DENND3: variants seen among roughly 807,000 people sequenced by gnomAD.
The protein encoded by DENND3 is DENN domain containing 3.
A neutral mutation model predicts 135.1 loss-of-function variants in DENND3; 88 were observed. That is an observed-to-expected ratio of 0.65 (90% CI 0.55 to 0.78). The LOEUF (loss-of-function observed/expected upper bound fraction) is 0.78. Among genes scored for constraint, DENND3 ranks in the 30% least tolerant of loss-of-function variants. DENND3 has a pLI of 0.00. For synonymous variants in DENND3, 693 were observed against 712.3 expected (o/e 0.97, Z 0.43); for missense variants, 1,392 against 1,688.4 (o/e 0.82, Z 3.08).
At chr8:141,192,297 T>C (rs1824855231) in intron 20 of DENND3, 34 bp from the exon 21 acceptor site, 4 of 1,610,310 alleles carry the variant, frequency 2.5e-6, no homozygotes, top group Admixed American at 3.3e-5. Context: ...CCAATGACAC[T>C]GCCTGGCCCC....
At chr8:141,160,828 C>A (rs765003284) in intron 9 of DENND3, 41 bp downstream of exon 9, 1 of 1,582,968 alleles carries the variant, frequency 6.3e-7, no homozygotes, top group South Asian at 1.1e-5. Context: ...AGGAGGTAAC[C>A]AGCCAGCCAT....
At position 141,144,395 on chromosome 8, in the gene DENND3, C is replaced by T. The variant is rs993669733; in HGVS notation, c.735+136C>T. On this transcript the variant is annotated intron_variant, in intron 5 of 22. Transcript: ENST00000519811. The surrounding 1 kb of genome is among the most constrained non-coding windows in gnomAD (Gnocchi z 4.4). ...CTAAAATAACATCCTAACCCCCCCG[C>T]CTCCCCACAGCTGACTGACTGGACC... The T allele has an allele frequency of 1.1e-6, 1 of 875,844 alleles. No individual in the cohort carries two copies. Among genetic ancestry groups the T allele is most frequent in the African/African-American group, 1.8e-5 (1 of 56,378 alleles). The allele number at this position is 875,844 out of a possible 1,614,324, so 54.3% of individuals were successfully genotyped here. A position where few individuals can be genotyped will look rare whatever the true frequency, so the allele number is the denominator to read the frequency against.
Position 141,182,484 on chromosome 8 carries a change from C to A in DENND3, c.2944+1630C>A. The A allele has an allele frequency of 3.0e-6, 3 of 985,396 alleles. No individual in the cohort carries two copies. The highest frequency in any genetic ancestry group is 3.6e-6 in the Non-Finnish European group (3 of 829,918). The allele number at this position is 985,396 out of a possible 1,614,324, so 61.0% of individuals were successfully genotyped here. ...ATACTTTGACCGTGGCATTTGAATA[C>A]ATGGTATTTTTAGGTCCCGGTTGGT... On this transcript the variant is annotated intron_variant, in intron 17 of 22. Coordinates refer to ENST00000519811, the MANE Select transcript of DENND3 (RefSeq NM_001352890.3). This position sits in a 1 kb window ranked among gnomAD's most constrained non-coding sequence, Gnocchi z 5.9.
Position 141,175,756 on chromosome 8 carries a change from A to G in DENND3, c.2535+297A>G, listed in dbSNP as rs1046200844. The G allele has an allele frequency of 1.1e-5, 5 of 447,176 alleles. No individual in the cohort carries two copies. The highest frequency in any genetic ancestry group is 4.6e-5 in the East Asian group (1 of 21,548). The allele number at this position is 447,176 out of a possible 1,614,324, so 27.7% of individuals were successfully genotyped here. A position where few individuals can be genotyped will look rare whatever the true frequency, so the allele number is the denominator to read the frequency against. ...GCAGGAAGTAAGAATGTGGGCTGAC[A>G]TTCTCATTAGGGACAGTAGGACGCC... is the stretch of plus-strand genomic sequence containing the variant. On this transcript the variant is annotated intron_variant, in intron 14 of 22. Transcript: ENST00000519811. The surrounding 1 kb of genome is among the most constrained non-coding windows in gnomAD (Gnocchi z 5.4).
At chr8:141,181,167 TTTC>T (rs1380349363) in intron 17 of DENND3, among the ~76,000 whole-genome samples, 1 of 152,196 alleles carries the variant, frequency 6.6e-6, no homozygotes, top group African/African-American at 2.4e-5. Context: ...ACGCTAGCTC[TTTC>T]TTTTTTTGAG....
chr8:141,165,730 C>T (rs1040641461), intron 11 of DENND3, among the ~76,000 whole-genome samples: 4 of 152,186 alleles, frequency 2.6e-5, no homozygotes, highest in African/African-American at 7.2e-5. Flanking sequence ...TCCCAAAGTG[C>T]TGGGATTACA....
intron 22 of DENND3, 102 bp from the exon 23 acceptor site, chr8:141,193,931 G>T: frequency 7.6e-7 from 1 of 1,311,022 alleles, no homozygotes. Context: ...GAAGGACATA[G>T]ATTTGGAGGC....
intron 1 of DENND3, chr8:141,129,583 T>G (rs7814272): frequency 0.49 from 73,885 of 152,052 alleles, 18,485 homozygotes; most frequent in African/African-American, 0.6. Context: ...TCCATCTGTG[T>G]CTCTGGTTTC....
intron 1 of DENND3, among the ~76,000 whole-genome samples, chr8:141,133,783 G>A (rs1363253754): frequency 6.6e-6 from 1 of 152,122 alleles, no homozygotes; most frequent in Non-Finnish European, 1.5e-5. Context: ...TGTTGCAGAG[G>A]AGAACACAGG....
Position 141,166,416 on chromosome 8 carries a change from T to G in DENND3, c.1753+27T>G, listed in dbSNP as rs767012566. The G allele has an allele frequency of 1.9e-6, 3 of 1,595,716 alleles. No homozygotes were observed. In the South Asian group the frequency reaches 3.3e-5, roughly 18 times the overall value. On this transcript the variant is annotated intron_variant, in intron 12 of 22. Coordinates refer to ENST00000519811, the MANE Select transcript of DENND3 (RefSeq NM_001352890.3). This position sits in a 1 kb window ranked among gnomAD's most constrained non-coding sequence, Gnocchi z 4.3. ...TGAGGGCTGCCCCCCACTGTGGTGC[T>G]GTGTGTCGGTCCCACCATTCCTGCA...
intron 13 of DENND3, among the ~76,000 whole-genome samples, chr8:141,172,172 C>T (rs1821690432): frequency 1.4e-5 from 2 of 144,944 alleles, no homozygotes; most frequent in Admixed American, 6.8e-5. Flanking sequence ...TGGGCGTGCA[C>T]AGTGTGGGTG....
chr8:141,190,813 C>A (rs750970712), intron 20 of DENND3, among the ~76,000 whole-genome samples: 1 of 152,236 alleles, frequency 6.6e-6, no homozygotes, highest in Non-Finnish European at 1.5e-5. Context: ...CTGGCGAGCC[C>A]GTGCTCTGTT....
intron 19 of DENND3, 121 bp downstream of exon 19, chr8:141,189,267 G>C: frequency 1.2e-5 from 16 of 1,358,568 alleles, no homozygotes; most frequent in Non-Finnish European, 1.6e-5. Flanking sequence ...AGAGTGAAGT[G>C]GATCTAGAAC....
At position 141,157,164 on chromosome 8, in the gene DENND3, G is replaced by A. The variant is rs1819544723; in HGVS notation, c.1196+1194G>A. Among the ~76,000 whole-genome samples, 4 of 152,112 alleles carry A rather than the reference G, an allele frequency of 2.6e-5. No homozygotes were observed. In the South Asian group the frequency reaches 6.2e-4, roughly 24 times the overall value. ...TCAACCTCATTGGCTTAGATCAGGC[G>A]TCAGCAAACTTTTTCCAACAAGTGT... On this transcript the variant is annotated intron_variant, in intron 8 of 22. Transcript: ENST00000519811.
intron 17 of DENND3, among the ~76,000 whole-genome samples, chr8:141,184,091 C>T (rs551409520): frequency 8.5e-5 from 13 of 152,328 alleles, no homozygotes; most frequent in African/African-American, 2.9e-4. Context: ...TGGCCGGACA[C>T]GGCGCCTACA....
At chr8:141,133,758 G>A (rs1025289478) in intron 1 of DENND3, among the ~76,000 whole-genome samples, 5 of 152,182 alleles carry the variant, frequency 3.3e-5, no homozygotes, top group African/African-American at 9.7e-5. Flanking sequence ...CTGAAGACCC[G>A]AACTGCACTG....
In DENND3 at chr8:141,168,476, C is replaced by A; in HGVS notation, c.2226C>A (p.Ile742=). The A allele has an allele frequency of 6.2e-7, 1 of 1,613,356 alleles. No homozygotes were observed. The highest frequency in any genetic ancestry group is 1.1e-5 in the South Asian group (1 of 91,072). ...TGAAGCGGGTCCAGGAGTCAGGGAT[C>A]GTGAAGGACGCCAGCATCATACACC... ...DFMKRVQESG[I]VKDASIIHRL... The change falls in exon 13 of 23, where the codon ATC becomes ATA. Residue 742 remains isoleucine (I), a synonymous_variant. Coordinates refer to ENST00000519811, the MANE Select transcript of DENND3 (RefSeq NM_001352890.3). This position sits in a 1 kb window ranked among gnomAD's most constrained non-coding sequence, Gnocchi z 6.2.
intron 5 of DENND3, among the ~76,000 whole-genome samples, chr8:141,147,120 C>T (rs1056233312): frequency 1.3e-5 from 2 of 152,210 alleles, no homozygotes; most frequent in African/African-American, 2.4e-5. Context: ...TCTTCCCTCA[C>T]CCATTCCGTC....
intron 5 of DENND3, chr8:141,150,199 C>G (rs191854440): frequency 1.5e-6 from 1 of 654,204 alleles, no homozygotes; most frequent in Non-Finnish European, 2.2e-6. Flanking sequence ...GGCAGGAACT[C>G]GCTGTTTGCA....
Sources: allele counts gnomAD v4.1 joint callset (sites outside exome capture counted in the v4.1 genomes callset), GRCh38; gene constraint gnomAD v4.1.1; non-coding constraint Gnocchi (gnomAD v3.1); transcripts MANE v1.5; gene names NCBI Gene and HGNC (gene_info 2026-07-23, HGNC 2026-07-21).